The following WDR19 variants were observed in gnomAD, a reference collection of about 807,000 sequenced individuals.
WDR19 encodes WD repeat-containing protein 19.
In WDR19, 121 loss-of-function variants were observed where a neutral mutation model predicts 180.0. The ratio of observed to expected loss-of-function variants is 0.67; its 90% CI spans 0.58 to 0.78. WDR19 has a LOEUF of 0.78. Among genes scored for constraint, WDR19 ranks in the 30% least tolerant of loss-of-function variants. WDR19 has a pLI of 0.00. For synonymous variants in WDR19, 497 were observed against 540.7 expected (o/e 0.92, Z 1.12); for missense variants, 1,450 against 1,640.7 (o/e 0.88, Z 2.01).
chr4:39,257,497 C>T lies in WDR19; in HGVS notation c.3126C>T (p.His1042=). The change falls in exon 28 of 37, where the codon CAC becomes CAT. Residue 1042 remains histidine, a synonymous_variant. Coordinates refer to ENST00000399820, the MANE Select transcript of WDR19 (RefSeq NM_025132.4). ...AATTCGCTTTTCAGGCACTTAAACA[C>T]TTCCTGAAATGCCCAAGCTCGGAAG... ...LCGQYSRALK[H]FLKCPSSEDN... The T allele has an allele frequency of 6.3e-7, 1 of 1,584,058 alleles. No individual in the cohort carries two copies. The highest frequency in any genetic ancestry group is 2.3e-5 in the East Asian group (1 of 43,960).
chr4:39,195,916 A>G (rs1008419313), intron 5 of WDR19, among the ~76,000 whole-genome samples: 1 of 152,252 alleles, frequency 6.6e-6, no homozygotes, highest in African/African-American at 2.4e-5. Context: ...TTTTTAAGTT[A>G]CAAATATCAA....
Position 39,274,923 on chromosome 4 carries a change from T to G in WDR19, c.3681T>G (p.Asp1227Glu), listed in dbSNP as rs573727744. ...LMRPEYRSKI[D>E]AKYKKKIEGM... ...GGCCTGAATACCGCAGCAAAATAGA[T>G]GCCAAATACAAAAAGAAGATCGAGG... The change falls in exon 33 of 37, where the codon GAT (aspartate) becomes GAG (glutamate). Residue 1227 changes from aspartate (D) to glutamate (E), a missense_variant. Physicochemically the swap from Asp to Glu is conservative, Grantham distance 45. Transcript: ENST00000399820. The G allele has an allele frequency of 6.8e-6, 11 of 1,613,924 alleles. No individual in the cohort carries two copies. Among genetic ancestry groups the G allele is most frequent in the Non-Finnish European group, 9.3e-6 (11 of 1,179,904 alleles).
At chr4:39,255,709 G>GA in intron 26 of WDR19, 139 bp from the exon 27 acceptor site, 1 of 469,912 alleles carries the variant, frequency 2.1e-6, no homozygotes, top group Non-Finnish European at 3.8e-6. Flanking sequence ...GTTTTGTGAT[G>GA]AAAACAGACA....
In WDR19 at chr4:39,185,737, A is replaced by G. The variant is rs1285774012; in HGVS notation, c.18A>G (p.Ser6=). The G allele has an allele frequency of 1.9e-6, 3 of 1,555,940 alleles. No homozygotes were observed. The highest frequency in any genetic ancestry group is 1.2e-5 in the South Asian group (1 of 84,252). ...TGTTTATTTTTTAGCGTATTTTCTC[A>G]CTGCTAGAAAAGACTTGGCTTGGCG... MKRIF[S]LLEKTWLGAP... Residue 6 remains serine (S), a synonymous_variant, in exon 2 of 37, where the codon TCA becomes TCG. Coordinates refer to ENST00000399820, the MANE Select transcript of WDR19 (RefSeq NM_025132.4).
At chr4:39,224,015 C>T (rs1265900068) in intron 14 of WDR19, among the ~76,000 whole-genome samples, 2 of 152,044 alleles carry the variant, frequency 1.3e-5, no homozygotes, top group African/African-American at 2.4e-5. Flanking sequence ...TTGTGTCTTT[C>T]ATTAGTGTTT....
At chr4:39,215,698 A>T in intron 10 of WDR19, 143 bp from the exon 11 acceptor site, 1 of 802,748 alleles carries the variant, frequency 1.2e-6, no homozygotes, top group Non-Finnish European at 1.8e-6. Flanking sequence ...CAAATTTCCT[A>T]GTCTAAAAAA....
At chr4:39,185,703 TA>T in intron 1 of WDR19, 22 bp from the exon 2 acceptor site, 1 of 1,547,578 alleles carries the variant, frequency 6.5e-7, no homozygotes. Flanking sequence ...TTGAAAATAT[TA>T]AAAATTGTGT....
chr4:39,284,861 AT>A (rs1353119969), intron 36 of WDR19, among the ~76,000 whole-genome samples: 2 of 152,102 alleles, frequency 1.3e-5, no homozygotes, highest in African/African-American at 4.8e-5. Context: ...ATATGTCTTC[AT>A]TGAGTTATGA....
At chr4:39,222,167 T>TG (rs2109342873) in intron 14 of WDR19, among the ~76,000 whole-genome samples, 1 of 152,364 alleles carries the variant, frequency 6.6e-6, no homozygotes, top group South Asian at 2.1e-4. Context: ...GGATTCCTAA[T>TG]GAACTAATGA....
Position 39,224,318 on chromosome 4 carries a change from A to G in WDR19, c.1480-566A>G, listed in dbSNP as rs890573806. 2.6e-5 allele frequency among the ~76,000 whole-genome samples: 4 copies of G among 152,242 alleles called. No homozygotes were observed. In the Middle Eastern group the frequency reaches 0.01, roughly 388 times the overall value. On this transcript the variant is annotated intron_variant, in intron 14 of 36. Transcript: ENST00000399820. ...TCAATTATGCTTTAATATCACTAAGAATGTTAGAATTAATAGACTGTTTAA... is the reference window on the plus strand; with the variant it reads ...TCAATTATGCTTTAATATCACTAAGGATGTTAGAATTAATAGACTGTTTAA...
chr4:39,252,555 A>G (rs1733348232), intron 24 of WDR19, among the ~76,000 whole-genome samples: 1 of 152,012 alleles, frequency 6.6e-6, no homozygotes, highest in Admixed American at 6.5e-5. Flanking sequence ...AAAGAAGTGT[A>G]ACTTTCTATA....
chr4:39,238,796 A>G (rs527269861), intron 20 of WDR19, among the ~76,000 whole-genome samples: 10 of 152,194 alleles, frequency 6.6e-5, no homozygotes, highest in African/African-American at 2.4e-4. Flanking sequence ...AAATCATGCC[A>G]TTTCAGAGCT....
chr4:39,188,140 A>G lies in WDR19; in HGVS notation c.165-1516A>G, dbSNP rs536074781. On this transcript the variant is annotated intron_variant, in intron 3 of 36. Transcript: ENST00000399820. ...TTTAAGAAATTGTAAAGTTTTTTAT[A>G]ATACACATTTGGTTATTTAATACCA... 7.9e-5 allele frequency among the ~76,000 whole-genome samples: 12 copies of G among 152,294 alleles called. No individual in the cohort carries two copies. The South Asian group carries it at 1.9e-3, about 24-fold the overall frequency.
intron 27 of WDR19, among the ~76,000 whole-genome samples, chr4:39,256,322 A>G (rs1286208058): frequency 6.6e-6 from 1 of 152,238 alleles, no homozygotes; most frequent in Non-Finnish European, 1.5e-5. Context: ...TCACTGTTAC[A>G]GAGCCCCTTG....
intron 5 of WDR19, among the ~76,000 whole-genome samples, chr4:39,198,365 TG>T (rs1199881633): frequency 6.9e-6 from 1 of 145,534 alleles, no homozygotes; most frequent in Non-Finnish European, 1.5e-5. Context: ...GAGACTATCC[TG>T]GCTAACATGG....
intron 5 of WDR19, among the ~76,000 whole-genome samples, chr4:39,195,002 T>G (rs1181053861): frequency 6.6e-6 from 1 of 152,252 alleles, no homozygotes; most frequent in Non-Finnish European, 1.5e-5. Flanking sequence ...ATATGTGCTA[T>G]TTTTGTTATT....
intron 14 of WDR19, among the ~76,000 whole-genome samples, chr4:39,223,126 C>T (rs747834812): frequency 1.4e-4 from 21 of 152,198 alleles, no homozygotes; most frequent in Admixed American, 2.6e-4. Context: ...GAAGGGCATA[C>T]GGACTGACAG....
At chr4:39,273,915 C>T (rs1406541629) in intron 32 of WDR19, 1 of 152,148 alleles carries the variant, frequency 6.6e-6, no homozygotes, top group East Asian at 1.9e-4. Context: ...CAGGGATCAG[C>T]AAACTTTTTC....
At position 39,224,909 on chromosome 4, in the gene WDR19, T is replaced by G; in HGVS notation, c.1505T>G (p.Ile502Ser). 1 of 1,564,968 alleles carries G rather than the reference T, an allele frequency of 6.4e-7. No individual in the cohort carries two copies. The highest frequency in any genetic ancestry group is 1.4e-5 in the African/African-American group (1 of 73,890). The change falls in exon 15 of 37, where the codon ATT becomes AGT. Residue 502 changes from isoleucine to serine, a missense_variant. Transcript: ENST00000399820. The part of the protein sequence containing the change: ...TDTGVVQYFY[I>S]EDWQFVNDYR... ...ACTGGTGTCGTTCAGTATTTCTACA[T>G]TGAAGACTGGCAATTCGTTAATGAT...
Sources: gnomAD v4.1 joint callset for allele counts (sites outside exome capture counted in the v4.1 genomes callset) on GRCh38, gnomAD v4.1.1 for gene constraint, MANE v1.5 for transcripts, NCBI Gene and HGNC (gene_info 2026-07-23, HGNC 2026-07-21) for gene names.